SHROOM3: variants seen among roughly 807,000 people sequenced by gnomAD.
SHROOM3 encodes the protein shroom family member 3.
In SHROOM3, 47 loss-of-function variants were observed where a neutral mutation model predicts 138.6. That is an observed-to-expected ratio of 0.34 (90% CI 0.27 to 0.43). SHROOM3 has a LOEUF of 0.43. SHROOM3 is among the 20% of genes least tolerant of loss of function. The pLI is 1.00. For missense variants in SHROOM3, 2,491 were observed against 2,596.5 expected (o/e 0.96, Z 0.88); for synonymous variants, 1,062 against 1,063.3 (o/e 1.00, Z 0.02).
intron 1 of SHROOM3, among the ~76,000 whole-genome samples, chr4:76,472,292 T>G (rs1304665271): frequency 6.6e-6 from 1 of 152,216 alleles, no homozygotes; most frequent in Non-Finnish European, 1.5e-5. Context: ...GTAGAGAAGT[T>G]GCTGTTAGTA....
chr4:76,611,270 CTT>C (rs1553928522), intron 2 of SHROOM3, among the ~76,000 whole-genome samples: 1 of 151,838 alleles, frequency 6.6e-6, no homozygotes, highest in Non-Finnish European at 1.5e-5. Flanking sequence ...CTCTCTCTCT[CTT>C]AAAGTCTGCG....
chr4:76,624,070 T>A (rs953832493), intron 2 of SHROOM3, among the ~76,000 whole-genome samples: 1 of 152,252 alleles, frequency 6.6e-6, no homozygotes, highest in Non-Finnish European at 1.5e-5. Context: ...TTTTCAAATA[T>A]CCGCTTATGT....
At chr4:76,480,772 TAACA>T (rs1219453347) in intron 1 of SHROOM3, among the ~76,000 whole-genome samples, 1 of 152,118 alleles carries the variant, frequency 6.6e-6, no homozygotes, top group Non-Finnish European at 1.5e-5. Context: ...ACGGAAATCA[TAACA>T]AACAATCTCT....
chr4:76,649,323 A>T (rs1025994939), intron 2 of SHROOM3, among the ~76,000 whole-genome samples: 1 of 152,240 alleles, frequency 6.6e-6, no homozygotes, highest in Non-Finnish European at 1.5e-5. Context: ...AAAAGGAGCT[A>T]ATGATGCCTG....
chr4:76,498,795 T>A (rs898173238), intron 1 of SHROOM3, among the ~76,000 whole-genome samples: 5 of 152,270 alleles, frequency 3.3e-5, no homozygotes. Flanking sequence ...CTGGCTCTTT[T>A]CCTTTGTGTT....
chr4:76,575,305 C>T (rs1733916240), intron 2 of SHROOM3, among the ~76,000 whole-genome samples: 1 of 152,146 alleles, frequency 6.6e-6, no homozygotes, highest in African/African-American at 2.4e-5. Flanking sequence ...CACAACAAGG[C>T]TACCCACTTT....
At chr4:76,474,278 T>C (rs1367197024) in intron 1 of SHROOM3, among the ~76,000 whole-genome samples, 1 of 152,108 alleles carries the variant, frequency 6.6e-6, no homozygotes, top group Non-Finnish European at 1.5e-5. Context: ...TCAGGGACTA[T>C]GGGGGAGGAT....
intron 1 of SHROOM3, among the ~76,000 whole-genome samples, chr4:76,553,404 T>C (rs887988702): frequency 6.6e-6 from 1 of 151,990 alleles, no homozygotes; most frequent in African/African-American, 2.4e-5. Flanking sequence ...GCTTCCCGAG[T>C]AGCTGGGATT....
rs34070396 is a variant in SHROOM3, at chr4:76,486,912, T to TAA, written c.168+50701_168+50702dup. Among the ~76,000 whole-genome samples, 33 of 150,248 alleles carry TAA rather than the reference T, an allele frequency of 2.2e-4. No homozygotes were observed. The Middle Eastern group carries it at 0.01, about 47-fold the overall frequency. On this transcript the variant is annotated intron_variant, in intron 1 of 10. Coordinates refer to ENST00000296043, the MANE Select transcript of SHROOM3 (RefSeq NM_020859.4). ...TGCTAAAATAAGAGAAAGGCAACTT[T>TAA]AAAAAAAAAACCTTTTTGAGACATA...
Position 76,682,347 on chromosome 4 carries a change from A to G in SHROOM3, c.324-27809A>G, listed in dbSNP as rs1256036099. Among the ~76,000 whole-genome samples, 6 of 152,320 alleles carry G rather than the reference A, an allele frequency of 3.9e-5. No individual in the cohort carries two copies. In the South Asian group the frequency reaches 1.2e-3, roughly 32 times the overall value. ...ATAAAAACCTTCTGTGGAAGATGTA[A>G]TTACCATTTTCACAGAGGAAAAACT... On this transcript the variant is annotated intron_variant, in intron 2 of 10. Transcript: ENST00000296043.
At chr4:76,759,734 A>C (rs765173746) in intron 9 of SHROOM3, 39 bp downstream of exon 9, 2 of 1,600,016 alleles carry the variant, frequency 1.2e-6, no homozygotes, top group Non-Finnish European at 1.7e-6. Flanking sequence ...AGCTTTCCTC[A>C]GAAAAATTGA....
intron 2 of SHROOM3, among the ~76,000 whole-genome samples, chr4:76,623,020 G>C (rs537946139): frequency 2.6e-5 from 4 of 152,298 alleles, no homozygotes; most frequent in African/African-American, 9.6e-5. Flanking sequence ...TTAGGCAAAA[G>C]ATTATGATTT....
At chr4:76,725,507 G>A (rs911974303) in intron 3 of SHROOM3, among the ~76,000 whole-genome samples, 1 of 152,068 alleles carries the variant, frequency 6.6e-6, no homozygotes, top group Non-Finnish European at 1.5e-5. Flanking sequence ...ACATAATGAT[G>A]TTTCAGTACA....
intron 1 of SHROOM3, among the ~76,000 whole-genome samples, chr4:76,542,335 T>C (rs1579224221): frequency 1.3e-5 from 2 of 152,228 alleles, no homozygotes; most frequent in African/African-American, 4.8e-5. Flanking sequence ...TTATGGTAGG[T>C]AGAATAATCT....
At position 76,730,058 on chromosome 4, in the gene SHROOM3, C is replaced by T. The variant is rs79050326; in HGVS notation, c.456-746C>T. The stretch of plus-strand genomic sequence containing the variant: ...CAAAAATAAGGCACAGCAGCTCTCT[C>T]CTGACTCTGACTTTCTATAGTCCTT... On this transcript the variant is annotated intron_variant, in intron 3 of 10. Transcript: ENST00000296043. Among the ~76,000 whole-genome samples the T allele has an allele frequency of 2.4e-3, 372 of 152,332 alleles. 2 individuals carry two copies. Among genetic ancestry groups the T allele is most frequent in the African/African-American group, 8.4e-3 (351 of 41,572 alleles).
chr4:76,682,457 T>C (rs1156621327), intron 2 of SHROOM3, among the ~76,000 whole-genome samples: 1 of 152,144 alleles, frequency 6.6e-6, no homozygotes, highest in Non-Finnish European at 1.5e-5. Flanking sequence ...CACTCCACCA[T>C]CCTTAGCACA....
chr4:76,771,330 A>T (rs555300367), intron 10 of SHROOM3, among the ~76,000 whole-genome samples: 3 of 151,892 alleles, frequency 2.0e-5, no homozygotes, highest in African/African-American at 7.2e-5. Context: ...GTGAGCCGAG[A>T]TCACGCCACT....
chr4:76,455,722 T>C (rs964083664), intron 1 of SHROOM3, among the ~76,000 whole-genome samples: 3 of 152,174 alleles, frequency 2.0e-5, no homozygotes, highest in Non-Finnish European at 2.9e-5. Context: ...TTTTAACCTG[T>C]AAGACTGAAA....
chr4:76,657,243 A>T (rs994105797), intron 2 of SHROOM3, among the ~76,000 whole-genome samples: 2 of 151,958 alleles, frequency 1.3e-5, no homozygotes, highest in Non-Finnish European at 2.9e-5. Flanking sequence ...TCATTATACT[A>T]GGTTGAGGAT....
Sources: gnomAD v4.1 joint callset for allele counts (sites outside exome capture counted in the v4.1 genomes callset) on GRCh38, gnomAD v4.1.1 for gene constraint, MANE v1.5 for transcripts, NCBI Gene and HGNC (gene_info 2026-07-23, HGNC 2026-07-21) for gene names.